Variants in PCDH9 observed in about 807,000 individuals in gnomAD.
PCDH9 encodes protocadherin 9.
A neutral mutation model predicts 70.6 loss-of-function variants in PCDH9; 24 were observed. That is an observed-to-expected ratio of 0.34 (90% CI 0.25 to 0.48). The LOEUF (loss-of-function observed/expected upper bound fraction) is 0.48, where lower values mean the gene tolerates loss of function less well. PCDH9 is among the 20% of genes least tolerant of loss of function. PCDH9 has a pLI of 0.99. For synonymous variants in PCDH9, 562 were observed against 558.5 expected, an observed-to-expected ratio of 1.01 and a Z score of -0.09; for missense variants, 1,281 against 1,503.6, an observed-to-expected ratio of 0.85 and a Z score of 2.45.
chr13:67,134,508 T>A (rs1297558585), intron 2 of PCDH9, among the ~76,000 whole-genome samples: 2 of 152,130 alleles, frequency 1.3e-5, no homozygotes. Flanking sequence ...TCAGAGTCAC[T>A]GACATTTTGG....
At chr13:66,868,228 G>A (rs1381045221) in intron 3 of PCDH9, among the ~76,000 whole-genome samples, 1 of 151,908 alleles carries the variant, frequency 6.6e-6, no homozygotes, top group African/African-American at 2.4e-5. Flanking sequence ...ACTAGTCTAT[G>A]AAGATAACAG....
chr13:66,722,346 T>G (rs1349432324), intron 3 of PCDH9, among the ~76,000 whole-genome samples: 2 of 152,200 alleles, frequency 1.3e-5, no homozygotes, highest in Non-Finnish European at 2.9e-5. Context: ...TCATCTCACT[T>G]AATGAGGTAT....
intron 2 of PCDH9, among the ~76,000 whole-genome samples, chr13:67,062,146 C>T (rs1302191212): frequency 6.6e-6 from 1 of 152,034 alleles, no homozygotes; most frequent in East Asian, 1.9e-4. Flanking sequence ...TTCACCTGGC[C>T]CCAAGTGACA....
intron 3 of PCDH9, among the ~76,000 whole-genome samples, chr13:66,682,352 TTATCTATCTATCTATCTATCTATC>T (rs67403062): frequency 0.02 from 2,965 of 150,266 alleles, 48 homozygotes; most frequent in Non-Finnish European, 0.029. Context: ...GCTGTATTTA[TTATCTATCTATCTATCTATCTATC>T]TATCTATCTA....
intron 2 of PCDH9, among the ~76,000 whole-genome samples, chr13:67,130,850 T>C (rs983543583): frequency 4.6e-5 from 7 of 152,140 alleles, no homozygotes; most frequent in African/African-American, 1.4e-4. Flanking sequence ...CCCCTACTTC[T>C]GCAGGTTTTA....
At chr13:67,143,960 C>T (rs992153016) in intron 2 of PCDH9, among the ~76,000 whole-genome samples, 3 of 152,164 alleles carry the variant, frequency 2.0e-5, no homozygotes, top group African/African-American at 4.8e-5. Context: ...GGAGAATAAA[C>T]ATTGCCAGGA....
chr13:66,564,436 G>A (rs573999718), intron 4 of PCDH9, among the ~76,000 whole-genome samples: 1 of 152,084 alleles, frequency 6.6e-6, no homozygotes, highest in East Asian at 1.9e-4. Flanking sequence ...AAAGTGCTAG[G>A]ATTACAGGCA....
chr13:66,975,865 C>T (rs1170210890), intron 2 of PCDH9, among the ~76,000 whole-genome samples: 1 of 152,010 alleles, frequency 6.6e-6, no homozygotes, highest in Non-Finnish European at 1.5e-5. Flanking sequence ...TATCATCCCC[C>T]TCCAAGAGGA....
intron 4 of PCDH9, among the ~76,000 whole-genome samples, chr13:66,331,137 G>A (rs553331361): frequency 6.6e-6 from 1 of 152,240 alleles, no homozygotes; most frequent in African/African-American, 2.4e-5. Context: ...GCGTGTGTTT[G>A]CGTGTGTGTA....
At chr13:66,454,377 A>G (rs1958275605) in intron 4 of PCDH9, among the ~76,000 whole-genome samples, 3 of 152,172 alleles carry the variant, frequency 2.0e-5, no homozygotes. Flanking sequence ...CACTTGACAT[A>G]CAATTATATG....
chr13:67,005,765 G>A (rs1025798452), intron 2 of PCDH9, among the ~76,000 whole-genome samples: 1 of 152,186 alleles, frequency 6.6e-6, no homozygotes, highest in Non-Finnish European at 1.5e-5. Flanking sequence ...TTCTCCGTGA[G>A]AGCAAAGTAT....
At chr13:66,551,070 G>C (rs1961464493) in intron 4 of PCDH9, among the ~76,000 whole-genome samples, 1 of 152,108 alleles carries the variant, frequency 6.6e-6, no homozygotes, top group Non-Finnish European at 1.5e-5. Context: ...GGTGACTATA[G>C]TTAATTTTTT....
intron 2 of PCDH9, among the ~76,000 whole-genome samples, chr13:66,920,191 CT>C: frequency 6.6e-6 from 1 of 151,164 alleles, no homozygotes; most frequent in East Asian, 1.9e-4. Context: ...GTACTTTTAA[CT>C]TTTGCTGGGG....
intron 4 of PCDH9, among the ~76,000 whole-genome samples, chr13:66,314,097 G>T (rs78927722): frequency 0.025 from 3,822 of 152,210 alleles, 161 homozygotes; most frequent in African/African-American, 0.086. Context: ...TTAAAATGTA[G>T]ATTCCAATTC....
intron 3 of PCDH9, among the ~76,000 whole-genome samples, chr13:66,765,454 G>A (rs1342030836): frequency 6.6e-6 from 1 of 151,956 alleles, no homozygotes; most frequent in Non-Finnish European, 1.5e-5. Flanking sequence ...TTTTTGGAAT[G>A]TGCTACAAAA....
chr13:67,101,564 T>A (rs956540694), intron 2 of PCDH9, among the ~76,000 whole-genome samples: 4 of 152,202 alleles, frequency 2.6e-5, no homozygotes, highest in African/African-American at 9.7e-5. Flanking sequence ...TATATGTGTA[T>A]CAACAGAACT....
chr13:67,133,921 C>T (rs908893752), intron 2 of PCDH9, among the ~76,000 whole-genome samples: 2 of 151,944 alleles, frequency 1.3e-5, no homozygotes, highest in Non-Finnish European at 2.9e-5. Flanking sequence ...CTAAAGATAC[C>T]TACAGATGTT....
chr13:66,487,904 C>G (rs1339470241), intron 4 of PCDH9, among the ~76,000 whole-genome samples: 1 of 152,132 alleles, frequency 6.6e-6, no homozygotes, highest in East Asian at 1.9e-4. Flanking sequence ...TGGATGAGAA[C>G]CAGAAGATAT....
At chr13:67,059,001 C>T (rs942362627) in intron 2 of PCDH9, among the ~76,000 whole-genome samples, 2 of 152,008 alleles carry the variant, frequency 1.3e-5, no homozygotes, top group African/African-American at 4.8e-5. Context: ...CACCTGACTT[C>T]ATGCTGCCCT....
Sources: gnomAD v4.1 joint callset for allele counts (sites outside exome capture counted in the v4.1 genomes callset) on GRCh38, gnomAD v4.1.1 for gene constraint, MANE v1.5 for transcripts, NCBI Gene and HGNC (gene_info 2026-07-23, HGNC 2026-07-21) for gene names.